Variants in GLRA2 observed in about 807,000 individuals in gnomAD.
GLRA2 encodes glycine receptor subunit alpha-2.
GLRA2 carries 11 observed loss-of-function variants against 31.6 expected under a neutral mutation model. The observed-to-expected ratio is 0.35, with a 90% confidence interval of 0.22 to 0.58. The LOEUF is 0.58. Ranked by LOEUF, GLRA2 falls within the 20% of genes least tolerant of loss-of-function variation. GLRA2 has a pLI of 0.84. For synonymous variants in GLRA2, 132 were observed against 134.0 expected (o/e 0.99, Z 0.10); for missense variants, 212 against 351.8 (o/e 0.60, Z 3.18).
chrX:14,485,149 G>C, the GLRA2 span, among the ~76,000 whole-genome samples: 1 of 111,944 alleles, frequency 8.9e-6, no homozygotes, highest in East Asian at 2.8e-4. Flanking sequence ...CACGTACCTT[G>C]TTCCATCTCC....
chrX:14,663,217 T>TC (rs1383098177), intron 7 of GLRA2, among the ~76,000 whole-genome samples: 1 of 111,594 alleles, frequency 9.0e-6, no homozygotes, highest in African/African-American at 3.2e-5. Flanking sequence ...ATTCTATATT[T>TC]CCCCATTAAA....
At chrX:14,520,013 C>A in the GLRA2 span, among the ~76,000 whole-genome samples, 1 of 112,047 alleles carries the variant, frequency 8.9e-6, no homozygotes, top group Admixed American at 9.5e-5. Context: ...ATGTCAGCTA[C>A]AAAATGCTAA....
intron 8 of GLRA2, among the ~76,000 whole-genome samples, chrX:14,699,380 G>C (rs138401959): frequency 0.011 from 1,227 of 112,229 alleles, 16 homozygotes; most frequent in African/African-American, 0.037. Context: ...GTGGCTGCTT[G>C]AGAACATGGT....
At chrX:14,530,874 A>G in intron 1 of GLRA2, 10 of 572,501 alleles carry the variant, frequency 1.7e-5, no homozygotes, top group Non-Finnish European at 1.8e-5. Context: ...ATCTAATAAC[A>G]GAGAGTGGAA....
At chrX:14,723,192 G>A (rs1033458458) in intron 8 of GLRA2, among the ~76,000 whole-genome samples, 1 of 111,746 alleles carries the variant, frequency 8.9e-6, no homozygotes, top group South Asian at 3.7e-4. Flanking sequence ...CACCTCAATC[G>A]TATTATTTTC....
At chrX:14,519,148 T>C in the GLRA2 span, among the ~76,000 whole-genome samples, 2 of 110,470 alleles carry the variant, frequency 1.8e-5, no homozygotes, top group Admixed American at 2.0e-4. Context: ...ATATAATTTA[T>C]ATGTATTATA....
At chrX:14,669,527 T>C (rs2091069332) in intron 7 of GLRA2, among the ~76,000 whole-genome samples, 1 of 111,351 alleles carries the variant, frequency 9.0e-6, no homozygotes, top group Non-Finnish European at 1.9e-5. Context: ...GGTGTTTCTA[T>C]ACCTCTTCTG....
chrX:14,519,963 A>G, the GLRA2 span, among the ~76,000 whole-genome samples: 1 of 112,282 alleles, frequency 8.9e-6, no homozygotes, highest in African/African-American at 3.2e-5. Context: ...TTATGCTTCA[A>G]AATAATAAAG....
chrX:14,581,768 A>G (rs1359716047), intron 4 of GLRA2, among the ~76,000 whole-genome samples: 1 of 54,759 alleles, frequency 1.8e-5, no homozygotes, highest in Non-Finnish European at 3.6e-5. Flanking sequence ...TCAAGCATGC[A>G]CACACACACA....
the GLRA2 span, among the ~76,000 whole-genome samples, chrX:14,513,575 C>T: frequency 3.6e-5 from 4 of 110,884 alleles, no homozygotes; most frequent in Non-Finnish European, 7.6e-5. Context: ...CATAAAAAAA[C>T]CGAACAATCC....
At chrX:14,559,321 C>T (rs147862251) in intron 2 of GLRA2, among the ~76,000 whole-genome samples, 463 of 107,710 alleles carry the variant, frequency 4.3e-3, no homozygotes, top group Admixed American at 6.8e-3. Flanking sequence ...AAACCATTTG[C>T]GTATGAGTTG....
intron 3 of GLRA2, among the ~76,000 whole-genome samples, chrX:14,576,029 G>A (rs1436403927): frequency 9.5e-6 from 1 of 105,717 alleles, no homozygotes; most frequent in African/African-American, 3.5e-5. Context: ...GGTGCCTGAT[G>A]TCCTAAAAAT....
intron 2 of GLRA2, among the ~76,000 whole-genome samples, chrX:14,537,713 A>G (rs1428820075): frequency 9.0e-6 from 1 of 110,919 alleles, no homozygotes; most frequent in Non-Finnish European, 1.9e-5. Context: ...CATAATTTGA[A>G]TGAGAGTATT....
chrX:14,698,682 A>C (rs2091487252), intron 8 of GLRA2, among the ~76,000 whole-genome samples: 1 of 48,071 alleles, frequency 2.1e-5, no homozygotes, highest in Non-Finnish European at 4.0e-5. Context: ...TATCTATCTC[A>C]AAAAAAAAAA....
chrX:14,638,029 G>A (rs1486110481), intron 7 of GLRA2, among the ~76,000 whole-genome samples: 1 of 111,330 alleles, frequency 9.0e-6, no homozygotes, highest in Non-Finnish European at 1.9e-5. Context: ...CTAGAGACAG[G>A]GTAGGGTCTG....
At chrX:14,531,342 A>G (rs2089253338) in intron 1 of GLRA2, among the ~76,000 whole-genome samples, 1 of 111,868 alleles carries the variant, frequency 8.9e-6, no homozygotes, top group African/African-American at 3.2e-5. Context: ...TTGAAAACAA[A>G]GCTTATAAAA....
chrX:14,613,889 A>G (rs1234692287), intron 7 of GLRA2, among the ~76,000 whole-genome samples: 1 of 111,620 alleles, frequency 9.0e-6, no homozygotes, highest in Non-Finnish European at 1.9e-5. Context: ...ACTATATGCT[A>G]TGCTATTAGA....
chrX:14,687,139 T>G (rs2091287840), intron 7 of GLRA2, among the ~76,000 whole-genome samples: 1 of 112,420 alleles, frequency 8.9e-6, no homozygotes, highest in Admixed American at 9.4e-5. Context: ...TTCCCCACTC[T>G]CTTCTGGCTT....
chrX:14,661,652 G>A (rs976522686), intron 7 of GLRA2, among the ~76,000 whole-genome samples: 2 of 110,611 alleles, frequency 1.8e-5, no homozygotes, highest in Non-Finnish European at 1.9e-5. Flanking sequence ...CAGGTGGATT[G>A]CCTGAGCTCA....
Sources: allele counts gnomAD v4.1 joint callset (sites outside exome capture counted in the v4.1 genomes callset), GRCh38; gene constraint gnomAD v4.1.1; transcripts MANE v1.5; gene names NCBI Gene and HGNC (gene_info 2026-07-23, HGNC 2026-07-21).